Variants in FASTKD1 observed in about 807,000 individuals in gnomAD.
FASTKD1 encodes the protein FAST kinase domains 1.
FASTKD1 carries 94 observed loss-of-function variants against 90.9 expected under a neutral mutation model. The observed-to-expected ratio is 1.03, with a 90% confidence interval of 0.88 to 1.23. FASTKD1 has a LOEUF of 1.23. Ranked by LOEUF, FASTKD1 falls within the 50% of genes most tolerant of loss-of-function variation. The pLI is 0.00. For synonymous variants in FASTKD1, 319 were observed against 345.8 expected, an observed-to-expected ratio of 0.92 and a Z score of 0.86; for missense variants, 945 against 993.5, an observed-to-expected ratio of 0.95 and a Z score of 0.66.
At chr2:169,570,900 T>C (rs1433063425) in intron 2 of FASTKD1, 1 of 152,124 alleles carries the variant, frequency 6.6e-6, no homozygotes, top group Non-Finnish European at 1.5e-5. Flanking sequence ...GGTCTTGAAC[T>C]CCTGACCTCA....
chr2:169,564,970 TGAGAC>T (rs1399344191), intron 3 of FASTKD1, among the ~76,000 whole-genome samples: 2 of 141,084 alleles, frequency 1.4e-5, no homozygotes, highest in Non-Finnish European at 3.0e-5. Context: ...TTTTTTTTTT[TGAGAC>T]GCAGTTTCGC....
intron 8 of FASTKD1, among the ~76,000 whole-genome samples, chr2:169,545,589 G>T (rs973279413): frequency 6.6e-6 from 1 of 152,194 alleles, no homozygotes; most frequent in Non-Finnish European, 1.5e-5. Context: ...CATTTTACAA[G>T]TCCCAGAAAT....
At chr2:169,555,788 T>C (rs1487043528) in intron 6 of FASTKD1, among the ~76,000 whole-genome samples, 1 of 152,196 alleles carries the variant, frequency 6.6e-6, no homozygotes, top group Non-Finnish European at 1.5e-5. Flanking sequence ...AATGTAAGTA[T>C]ATATTTTTTC....
chr2:169,531,727 C>G (rs1448479146), intron 12 of FASTKD1: 1 of 422,968 alleles, frequency 2.4e-6, no homozygotes, highest in African/African-American at 2.0e-5. Context: ...ATATTAAGTA[C>G]TAGGCTACAT....
intron 12 of FASTKD1, among the ~76,000 whole-genome samples, chr2:169,535,452 AT>A (rs1574367259): frequency 7.4e-5 from 7 of 95,204 alleles, no homozygotes; most frequent in African/African-American, 2.0e-4. Flanking sequence ...TTATTTATTT[AT>A]TTATTTATTT....
Position 169,569,237 on chromosome 2 carries a change from G to A in FASTKD1, c.393C>T (p.Ala131=). 6.2e-7 allele frequency: 1 copy of A among 1,613,774 alleles called. No individual in the cohort carries two copies. Among genetic ancestry groups the A allele is most frequent in the Non-Finnish European group, 8.5e-7 (1 of 1,179,926 alleles). Residue 131 remains alanine, a synonymous_variant, in exon 3 of 15, where the codon GCC becomes GCT. Coordinates refer to ENST00000453153, the MANE Select transcript of FASTKD1 (RefSeq NM_024622.6). ...LYVTQQFAGE[A]HDPLVEALVT... ...CTAGTGCTTCAACTAGCGGGTCATG[G>A]GCCTCACCAGCAAACCTTAATAAAA...
intron 7 of FASTKD1, among the ~76,000 whole-genome samples, chr2:169,547,884 C>CAAAAAAAAAAAAAAAAAAA (rs1158292826): frequency 1.4e-4 from 3 of 21,348 alleles, no homozygotes; most frequent in Non-Finnish European, 2.2e-4. Context: ...GACTCCATCT[C>CAAAAAAAAAAAAAAAAAAA]AAAAAAAAAA....
chr2:169,529,798 C>A lies in FASTKD1; in HGVS notation c.*27G>T. ...TATTAAAATAGGTCCAAATGTAACA[C>A]ACGATAACATTCATTTTAAATAAAA... is the stretch of plus-strand genomic sequence containing the variant. On this transcript the variant is annotated 3_prime_UTR_variant, in exon 15 of 15. Coordinates refer to ENST00000453153, the MANE Select transcript of FASTKD1 (RefSeq NM_024622.6). 1 of 1,486,686 alleles carries A rather than the reference C, an allele frequency of 6.7e-7. No homozygotes were observed. The highest frequency in any genetic ancestry group is 9.3e-7 in the Non-Finnish European group (1 of 1,073,884). 92.1% of individuals were successfully genotyped at this position (1,486,686 alleles called of 1,614,324 possible). A position where few individuals can be genotyped will look rare whatever the true frequency, so the allele number is the denominator to read the frequency against.
At chr2:169,539,916 A>G in intron 10 of FASTKD1, 135 bp downstream of exon 10, 1 of 473,298 alleles carries the variant, frequency 2.1e-6, no homozygotes, top group East Asian at 3.6e-5. Flanking sequence ...TGTTTTCCAA[A>G]TTTCTACAAT....
rs748314688 is a variant in FASTKD1, at chr2:169,560,794, G to C, written c.573-9C>G. On this transcript the variant is annotated splice_polypyrimidine_tract_variant and intron_variant, in intron 4 of 14. Coordinates refer to ENST00000453153, the MANE Select transcript of FASTKD1 (RefSeq NM_024622.6). ...TCAAGACAGACAAGGAACTGAAAAAGAAAAAAGATGCAAAGATTTTTACAT... is the reference window on the plus strand; with the variant it reads ...TCAAGACAGACAAGGAACTGAAAAACAAAAAAGATGCAAAGATTTTTACAT... 2 of 1,028,848 alleles carry C rather than the reference G, an allele frequency of 1.9e-6. No individual in the cohort carries two copies. Among genetic ancestry groups the C allele is most frequent in the East Asian group, 9.9e-5 (2 of 20,242 alleles). 63.7% of individuals were successfully genotyped at this position (1,028,848 alleles called of 1,614,324 possible). A position where few individuals can be genotyped will look rare whatever the true frequency, so the allele number is the denominator to read the frequency against.
chr2:169,558,263 TTTC>T, intron 5 of FASTKD1, among the ~76,000 whole-genome samples: 1 of 152,198 alleles, frequency 6.6e-6, no homozygotes, highest in East Asian at 1.9e-4. Flanking sequence ...CGTGTGTGTG[TTTC>T]TTCGTCTGTT....
At chr2:169,566,085 T>G (rs976299344) in intron 3 of FASTKD1, among the ~76,000 whole-genome samples, 7 of 152,190 alleles carry the variant, frequency 4.6e-5, no homozygotes, top group Admixed American at 3.3e-4. Flanking sequence ...ATTAATCCCT[T>G]GTCAGATGGG....
intron 12 of FASTKD1, among the ~76,000 whole-genome samples, chr2:169,532,698 TAAA>T (rs1206818337): frequency 1.3e-5 from 2 of 151,832 alleles, no homozygotes; most frequent in African/African-American, 2.4e-5. Context: ...AATTTTAAGT[TAAA>T]AAAAGAAGTA....
At chr2:169,567,783 G>A (rs1443387550) in intron 3 of FASTKD1, among the ~76,000 whole-genome samples, 2 of 152,132 alleles carry the variant, frequency 1.3e-5, no homozygotes, top group Admixed American at 1.3e-4. Flanking sequence ...GAGTTGCTCT[G>A]TAGTTTTTAA....
At position 169,544,746 on chromosome 2, in the gene FASTKD1, G is replaced by A. The variant is rs138073323; in HGVS notation, c.1791C>T (p.Cys597=). The change falls in exon 9 of 15, where the codon TGC becomes TGT. Residue 597 remains cysteine (C), a synonymous_variant. Transcript: ENST00000453153. The part of the protein sequence containing the change: ...PPQRDEFLGT[C]VQHLNSYLGI... ...CTAAGTAAGAATTAAGATGTTGCAC[G>A]CAAGTTCCCAAAAATTCATCCCTTT... 27 of 1,604,144 alleles carry A rather than the reference G, an allele frequency of 1.7e-5. No homozygotes were observed. The African/African-American group carries it at 3.1e-4, about 18-fold the overall frequency.
At chr2:169,548,061 A>G (rs189435799) in intron 7 of FASTKD1, among the ~76,000 whole-genome samples, 86 of 151,710 alleles carry the variant, frequency 5.7e-4, no homozygotes, top group African/African-American at 2.0e-3. Flanking sequence ...AAGTATAGAA[A>G]TAGTGGAAGG....
chr2:169,545,613 G>A (rs555505366), intron 8 of FASTKD1, among the ~76,000 whole-genome samples: 241 of 152,322 alleles, frequency 1.6e-3, no homozygotes, highest in African/African-American at 5.5e-3. Context: ...TCTGCAAGAA[G>A]ATGCAATGAC....
chr2:169,572,893 G>A (rs1232095495), intron 1 of FASTKD1: 1 of 152,174 alleles, frequency 6.6e-6, no homozygotes, highest in African/African-American at 2.4e-5. Flanking sequence ...GTAATGGTTA[G>A]AAAAGCAGGG....
intron 2 of FASTKD1, chr2:169,570,962 C>T (rs1025781264): frequency 6.6e-6 from 1 of 152,286 alleles, no homozygotes; most frequent in Non-Finnish European, 1.5e-5. Context: ...AAGTGTGAGT[C>T]ACCACACCCG....
Sources: gnomAD v4.1 joint callset for allele counts (sites outside exome capture counted in the v4.1 genomes callset) on GRCh38, gnomAD v4.1.1 for gene constraint, MANE v1.5 for transcripts, NCBI Gene and HGNC (gene_info 2026-07-23, HGNC 2026-07-21) for gene names.